The following DLGAP2 variants were observed in gnomAD, a reference collection of about 807,000 sequenced individuals.
DLGAP2 encodes the protein disks large-associated protein 2.
A neutral mutation model predicts 100.3 loss-of-function variants in DLGAP2; 26 were observed. That is an observed-to-expected ratio of 0.26 (90% CI 0.19 to 0.36). The LOEUF is 0.36. Ranked by LOEUF, DLGAP2 falls within the 10% of genes least tolerant of loss-of-function variation. The pLI is 1.00. For synonymous variants in DLGAP2, 886 were observed against 630.1 expected, an observed-to-expected ratio of 1.41 and a Z score of -6.08; for missense variants, 1,858 against 1,453.2, an observed-to-expected ratio of 1.28 and a Z score of -4.53.
intron 8 of DLGAP2, among the ~76,000 whole-genome samples, chr8:1,654,500 A>G (rs190466231): frequency 1.3e-5 from 2 of 151,960 alleles, no homozygotes; most frequent in Non-Finnish European, 2.9e-5. Flanking sequence ...CATCTCTACT[A>G]AAGATACAAA....
At chr8:1,176,425 T>G (rs1287146152) in intron 2 of DLGAP2, among the ~76,000 whole-genome samples, 20 of 152,182 alleles carry the variant, frequency 1.3e-4, no homozygotes, top group Non-Finnish European at 4.4e-5. Context: ...AGATCTACAC[T>G]TTGGGTGTTT....
At chr8:1,270,794 CTG>C (rs1394204376) in intron 3 of DLGAP2, among the ~76,000 whole-genome samples, 3 of 150,470 alleles carry the variant, frequency 2.0e-5, no homozygotes, top group Non-Finnish European at 4.4e-5. Flanking sequence ...CTACCTCTCT[CTG>C]TGTGTCTCTG....
At chr8:1,000,395 T>C (rs1379422543) in intron 2 of DLGAP2, among the ~76,000 whole-genome samples, 1 of 145,528 alleles carries the variant, frequency 6.9e-6, no homozygotes, top group East Asian at 2.1e-4. Context: ...TGGGTTGGGG[T>C]GGTTTTCTTT....
At chr8:805,915 G>A (rs1585883859) in intron 1 of DLGAP2, among the ~76,000 whole-genome samples, 1 of 152,256 alleles carries the variant, frequency 6.6e-6, no homozygotes, top group African/African-American at 2.4e-5. Context: ...GCACCTACAA[G>A]CATATTTCTA....
intron 2 of DLGAP2, among the ~76,000 whole-genome samples, chr8:1,172,384 G>A (rs1339620842): frequency 2.6e-5 from 4 of 151,448 alleles, no homozygotes; most frequent in Non-Finnish European, 5.9e-5. Context: ...TTCTCGAGGA[G>A]TAGCTTTGTG....
At chr8:1,386,429 C>G (rs1402270912) in intron 3 of DLGAP2, among the ~76,000 whole-genome samples, 1 of 152,200 alleles carries the variant, frequency 6.6e-6, no homozygotes, top group Non-Finnish European at 1.5e-5. Context: ...ATCGAGAAAC[C>G]AGATGGCTTC....
chr8:1,135,503 G>GTTGTT (rs1554490363), intron 2 of DLGAP2, among the ~76,000 whole-genome samples: 1 of 92,194 alleles, frequency 1.1e-5, no homozygotes, highest in Non-Finnish European at 2.0e-5. Context: ...TTTTTTGTGG[G>GTTGTT]TTTTTTTTTT....
intron 14 of DLGAP2, among the ~76,000 whole-genome samples, chr8:1,700,965 C>G (rs909862108): frequency 2.6e-5 from 4 of 152,226 alleles, no homozygotes; most frequent in African/African-American, 9.6e-5. Flanking sequence ...CCTCTGCCCC[C>G]TTTGGAGAGT....
chr8:1,259,666 C>G (rs1048704756), intron 3 of DLGAP2: 5 of 152,182 alleles, frequency 3.3e-5, no homozygotes, highest in Admixed American at 6.5e-5. Flanking sequence ...TCTGCTTCCA[C>G]AGGGAGAGAT....
chr8:1,592,082 T>C (rs1009781327), intron 6 of DLGAP2, among the ~76,000 whole-genome samples: 1 of 152,110 alleles, frequency 6.6e-6, no homozygotes, highest in African/African-American at 2.4e-5. Context: ...ACCATGGCCC[T>C]TGTTGGGCCC....
chr8:778,160 C>G, intron 1 of DLGAP2, among the ~76,000 whole-genome samples: 1 of 152,172 alleles, frequency 6.6e-6, no homozygotes, highest in Admixed American at 6.5e-5. Context: ...CTTCTGCATT[C>G]TTCACGTAGT....
At chr8:966,948 C>A (rs1233938347) in intron 2 of DLGAP2, among the ~76,000 whole-genome samples, 1 of 152,248 alleles carries the variant, frequency 6.6e-6, no homozygotes, top group Non-Finnish European at 1.5e-5. Flanking sequence ...TCAGATAAAT[C>A]TACTGGCCAT....
At chr8:1,258,706 T>C in intron 2 of DLGAP2, 145 bp from the exon 3 acceptor site, 1 of 603,580 alleles carries the variant, frequency 1.7e-6, no homozygotes, top group Non-Finnish European at 2.4e-6. Context: ...GAGCTGGCTT[T>C]GTTTATGGAA....
intron 3 of DLGAP2, among the ~76,000 whole-genome samples, chr8:1,319,046 C>T (rs11782996): frequency 0.16 from 23,192 of 148,836 alleles, 1,938 homozygotes; most frequent in Non-Finnish European, 0.19. Context: ...GAACAATGGG[C>T]TCCCTGTTGC....
chr8:1,290,929 G>A (rs1296924255), intron 3 of DLGAP2, among the ~76,000 whole-genome samples: 1 of 152,126 alleles, frequency 6.6e-6, no homozygotes. Flanking sequence ...CTGGTGTTAA[G>A]GACATTCACA....
chr8:1,452,223 G>A (rs1275272549), intron 3 of DLGAP2, among the ~76,000 whole-genome samples: 2 of 147,814 alleles, frequency 1.4e-5, no homozygotes, highest in East Asian at 1.9e-4. Context: ...TTCTGTGGCT[G>A]GGTGTTCTGT....
At chr8:942,183 A>T (rs1250939544) in intron 2 of DLGAP2, among the ~76,000 whole-genome samples, 1 of 152,154 alleles carries the variant, frequency 6.6e-6, no homozygotes, top group African/African-American at 2.4e-5. Flanking sequence ...TCCTGGGCTT[A>T]AGTGATCCTC....
At chr8:1,586,194 AG>A (rs756271744) in intron 6 of DLGAP2, among the ~76,000 whole-genome samples, 66 of 152,228 alleles carry the variant, frequency 4.3e-4, no homozygotes, top group Admixed American at 3.4e-3. Flanking sequence ...CTCTGGGCTA[AG>A]GCTGAGGTGT....
chr8:1,519,811 G>C (rs576572000), intron 4 of DLGAP2, among the ~76,000 whole-genome samples: 4 of 152,280 alleles, frequency 2.6e-5, no homozygotes, highest in Admixed American at 6.5e-5. Context: ...TGGGTTTTGT[G>C]CTCAGCAGGT....
Sources: allele counts gnomAD v4.1 joint callset (sites outside exome capture counted in the v4.1 genomes callset), GRCh38; gene constraint gnomAD v4.1.1; transcripts MANE v1.5; gene names NCBI Gene and HGNC (gene_info 2026-07-23, HGNC 2026-07-21).